The following TENM2 variants were observed in gnomAD, a reference collection of about 807,000 sequenced individuals.
TENM2 encodes teneurin transmembrane protein 2.
A neutral mutation model predicts 245.2 loss-of-function variants in TENM2; 52 were observed. The ratio of observed to expected loss-of-function variants is 0.21; its 90% CI spans 0.17 to 0.27. The LOEUF is 0.27. Ranked by LOEUF, TENM2 falls within the 10% of genes least tolerant of loss-of-function variation. The pLI, the probability that TENM2 is intolerant of heterozygous loss-of-function variation, is 1.00. For synonymous variants in TENM2, 1,363 were observed against 1,438.9 expected (o/e 0.95, Z 1.19); for missense variants, 3,046 against 3,666.8 (o/e 0.83, Z 4.37).
the TENM2 span, among the ~76,000 whole-genome samples, chr5:167,120,904 C>G: frequency 6.6e-6 from 1 of 152,168 alleles, no homozygotes; most frequent in Non-Finnish European, 1.5e-5. Flanking sequence ...ATGGATGCAG[C>G]AGGGCAGAGC....
intron 23 of TENM2, among the ~76,000 whole-genome samples, chr5:168,224,098 T>A (rs1236163697): frequency 1.3e-5 from 2 of 152,184 alleles, no homozygotes; most frequent in Non-Finnish European, 2.9e-5. Context: ...TCAAGGAACA[T>A]CTAGGTTGTT....
intron 3 of TENM2, among the ~76,000 whole-genome samples, chr5:167,883,298 A>G (rs1373452642): frequency 6.6e-6 from 1 of 152,238 alleles, no homozygotes; most frequent in Non-Finnish European, 1.5e-5. Context: ...TAACTTGCCT[A>G]GCAATGTACC....
the TENM2 span, among the ~76,000 whole-genome samples, chr5:167,072,527 G>A: frequency 6.6e-6 from 1 of 152,238 alleles, no homozygotes; most frequent in African/African-American, 2.4e-5. Flanking sequence ...GGTAACAACA[G>A]TGACAAGGAC....
chr5:168,237,264 C>T lies in TENM2; in HGVS notation c.5521-7156C>T, dbSNP rs190768112. 1.0e-2 allele frequency among the ~76,000 whole-genome samples: 1,506 copies of T among 150,724 alleles called. 6 individuals carry two copies. The highest frequency in any genetic ancestry group is 0.016 in the Non-Finnish European group (1,088 of 67,712). ...AACTCCTAACCTCAAGCGATCCACC[C>T]GCCTCAGCCTCCCAAAGTGCTGGGA... On this transcript the variant is annotated intron_variant, in intron 25 of 28. Coordinates refer to ENST00000518659, the Ensembl canonical transcript of TENM2.
the TENM2 span, among the ~76,000 whole-genome samples, chr5:167,216,689 G>A: frequency 6.6e-6 from 1 of 152,164 alleles, no homozygotes; most frequent in Non-Finnish European, 1.5e-5. Flanking sequence ...CACTTTGGAG[G>A]CCAAGGCCCT....
chr5:167,673,154 G>A (rs962228565), intron 2 of TENM2, among the ~76,000 whole-genome samples: 11 of 151,898 alleles, frequency 7.2e-5, no homozygotes, highest in South Asian at 2.1e-4. Flanking sequence ...TTCTATACAC[G>A]TACCTGTAGG....
intron 2 of TENM2, among the ~76,000 whole-genome samples, chr5:167,633,847 G>T (rs1779025996): frequency 6.6e-6 from 1 of 152,154 alleles, no homozygotes; most frequent in African/African-American, 2.4e-5. Context: ...AGATTACTTT[G>T]CAGTCCCTAT....
At chr5:167,743,353 G>T (rs746373722) in intron 2 of TENM2, among the ~76,000 whole-genome samples, 3 of 152,134 alleles carry the variant, frequency 2.0e-5, no homozygotes, top group Non-Finnish European at 4.4e-5. Flanking sequence ...CAATGTGAGC[G>T]CATTGAGTGA....
chr5:168,077,338 T>A (rs550655933), intron 7 of TENM2, among the ~76,000 whole-genome samples: 1 of 152,254 alleles, frequency 6.6e-6, no homozygotes, highest in Admixed American at 6.5e-5. Context: ...ATTCATGCAA[T>A]AAAGATCTTT....
At chr5:167,945,419 G>C (rs1425817867) in intron 3 of TENM2, among the ~76,000 whole-genome samples, 1 of 152,112 alleles carries the variant, frequency 6.6e-6, no homozygotes, top group East Asian at 1.9e-4. Flanking sequence ...ATCTTTAAAG[G>C]GGAGAGCAAT....
intron 2 of TENM2, among the ~76,000 whole-genome samples, chr5:167,530,446 G>A (rs1771414155): frequency 6.6e-6 from 1 of 152,146 alleles, no homozygotes; most frequent in Admixed American, 6.5e-5. Context: ...CTTCTCTTAT[G>A]TCTTTTAATC....
chr5:167,677,830 G>A (rs1469689896), intron 2 of TENM2, among the ~76,000 whole-genome samples: 3 of 151,106 alleles, frequency 2.0e-5, no homozygotes, highest in Admixed American at 6.6e-5. Context: ...ATAGAATGTG[G>A]TTCAAATTAT....
At chr5:167,522,376 G>A (rs552362606) in intron 2 of TENM2, among the ~76,000 whole-genome samples, 1 of 151,690 alleles carries the variant, frequency 6.6e-6, no homozygotes, top group East Asian at 2.0e-4. Context: ...ACACTCTGAT[G>A]ATTATGAAAA....
chr5:167,012,989 G>A, the TENM2 span, among the ~76,000 whole-genome samples: 3 of 152,110 alleles, frequency 2.0e-5, no homozygotes, highest in Non-Finnish European at 4.4e-5. Context: ...AAAAGTAAGG[G>A]GAATATAGTA....
chr5:168,034,123 A>ATATATATATGTATACATATATGTG (rs1562077473), intron 5 of TENM2, among the ~76,000 whole-genome samples: 2 of 73,732 alleles, frequency 2.7e-5, no homozygotes, highest in African/African-American at 1.2e-4. Context: ...ATATATGTGT[A>ATATATATATGTATACATATATGTG]TATATATATA....
intron 2 of TENM2, among the ~76,000 whole-genome samples, chr5:167,831,739 T>C (rs1294826526): frequency 2.0e-5 from 3 of 152,154 alleles, no homozygotes; most frequent in African/African-American, 7.2e-5. Context: ...TCTAAATGCT[T>C]TTAAGCATCT....
chr5:167,809,212 T>C (rs975324429), intron 2 of TENM2, among the ~76,000 whole-genome samples: 1 of 152,124 alleles, frequency 6.6e-6, no homozygotes, highest in Admixed American at 6.5e-5. Context: ...TCAACTCCAG[T>C]TTCATCCAGA....
exon 28 of TENM2, chr5:168,260,405 A>C: frequency 1.2e-6 from 2 of 1,613,878 alleles, no homozygotes; most frequent in Non-Finnish European, 1.7e-6. Flanking sequence ...AGCAAGTGAG[A>C]ATGGACAGGT....
At chr5:167,409,760 G>A (rs1188812657) in intron 2 of TENM2, among the ~76,000 whole-genome samples, 1 of 151,600 alleles carries the variant, frequency 6.6e-6, no homozygotes, top group Non-Finnish European at 1.5e-5. Flanking sequence ...TTCAGGTAGG[G>A]GTGTGTGTGT....
Sources: allele counts gnomAD v4.1 joint callset (sites outside exome capture counted in the v4.1 genomes callset), GRCh38; gene constraint gnomAD v4.1.1; transcripts MANE v1.5; gene names NCBI Gene and HGNC (gene_info 2026-07-23, HGNC 2026-07-21).